EI24: variants seen among roughly 807,000 people sequenced by gnomAD.
EI24 encodes the protein etoposide-induced protein 2.4 homolog.
In EI24, 21 loss-of-function variants were observed where a neutral mutation model predicts 48.6. The observed-to-expected ratio is 0.43, with a 90% CI of 0.31 to 0.62. The LOEUF is 0.62. Among genes scored for constraint, EI24 ranks in the 20% least tolerant of loss-of-function variants. The probability of loss-of-function intolerance (pLI) is 0.10; values close to 1 mark genes in which losing one functional copy is unlikely to be tolerated. For missense variants in EI24, 280 were observed against 410.5 expected, an observed-to-expected ratio of 0.68 and a Z score of 2.75; for synonymous variants, 114 against 145.5, an observed-to-expected ratio of 0.78 and a Z score of 1.56.
At chr11:125,574,016 G>A (rs1938635944) in intron 2 of EI24, among the ~76,000 whole-genome samples, 1 of 151,906 alleles carries the variant, frequency 6.6e-6, no homozygotes. Flanking sequence ...TTACCTTGTT[G>A]TCTTGCCATT....
intron 2 of EI24, 23 bp downstream of exon 2, chr11:125,572,592 A>AAT (rs768575121): frequency 8.0e-7 from 1 of 1,246,066 alleles, no homozygotes; most frequent in Non-Finnish European, 1.2e-6. Flanking sequence ...TGTTTATAGG[A>AAT]ATTCATCTCT....
chr11:125,576,027 T>C (rs192496280), intron 3 of EI24: 233 of 520,094 alleles, frequency 4.5e-4, no homozygotes, highest in African/African-American at 3.8e-3. Flanking sequence ...CTGACCTCAG[T>C]TGATCGCCTA....
chr11:125,578,690 A>G (rs1938857609), intron 6 of EI24, among the ~76,000 whole-genome samples: 1 of 151,584 alleles, frequency 6.6e-6, no homozygotes, highest in East Asian at 1.9e-4. Flanking sequence ...GCTGGTCTCA[A>G]ACTCCTGACC....
chr11:125,580,244 T>G, intron 8 of EI24, 40 bp downstream of exon 8: 1 of 1,434,282 alleles, frequency 7.0e-7, no homozygotes, highest in Non-Finnish European at 9.8e-7. Flanking sequence ...GGAGGCCCAG[T>G]TTGGAAATGC....
At chr11:125,579,974 C>T in intron 7 of EI24, 119 bp from the exon 8 acceptor site, 1 of 821,502 alleles carries the variant, frequency 1.2e-6, no homozygotes. Flanking sequence ...TGCACTCGGC[C>T]TTTTAGAAAC....
chr11:125,582,198 C>CA (rs1367192910), intron 9 of EI24, 148 bp from the exon 10 acceptor site: 30,636 of 615,656 alleles, frequency 0.05, 45 homozygotes, highest in Non-Finnish European at 0.055. Context: ...GACTCCATCT[C>CA]AAAAAAAAAA....
chr11:125,578,110 G>A (rs376911502), intron 5 of EI24, 23 bp from the exon 6 acceptor site: 166 of 1,612,062 alleles, frequency 1.0e-4, no homozygotes, highest in Non-Finnish European at 1.4e-4. Flanking sequence ...TCCATTTCTA[G>A]TAACTCGTTT....
intron 1 of EI24, among the ~76,000 whole-genome samples, chr11:125,571,598 C>T (rs1173286865): frequency 2.6e-5 from 4 of 152,072 alleles, no homozygotes; most frequent in South Asian, 2.1e-4. Flanking sequence ...AAAGACCAGC[C>T]GGGCGTGGTG....
rs1374003138 is a variant in EI24 at position 125,584,420 on chromosome 11, A to G, written c.*737A>G. The G allele has an allele frequency of 1.3e-5, 2 of 152,636 alleles. No individual in the cohort carries two copies. The highest frequency in any genetic ancestry group is 2.4e-5 in the African/African-American group (1 of 41,456). 9.5% of individuals were successfully genotyped at this position (152,636 alleles called of 1,614,324 possible). ...GAGGTACCAATTCTGGACAAGTGCC[A>G]CTACAACAACACTAAACCTGAACTT... On this transcript the variant is annotated 3_prime_UTR_variant, in exon 11 of 11. Coordinates refer to ENST00000278903, the MANE Select transcript of EI24 (RefSeq NM_004879.5).
chr11:125,569,537 T>C lies in EI24; in HGVS notation c.-107T>C. 2.6e-6 allele frequency: 1 copy of C among 377,946 alleles called. No individual in the cohort carries two copies. The highest frequency in any genetic ancestry group is 1.4e-4 in the South Asian group (1 of 7,336). The allele number at this position is 377,946 out of a possible 1,614,324, so 23.4% of individuals were successfully genotyped here. A position where few individuals can be genotyped will look rare whatever the true frequency, so the allele number is the denominator to read the frequency against. On this transcript the variant is annotated 5_prime_UTR_variant, in exon 1 of 11. Transcript: ENST00000278903. Reference sequence around the variant, plus strand: ...CCGGCGGAGCTGGCCTGCGGTGGGCTAGGGGCAGGGCCGGAGCCGCGGCGG... The same window carrying C: ...CCGGCGGAGCTGGCCTGCGGTGGGCCAGGGGCAGGGCCGGAGCCGCGGCGG...
chr11:125,571,273 TTGAG>T (rs1272970346), intron 1 of EI24, among the ~76,000 whole-genome samples: 3 of 152,220 alleles, frequency 2.0e-5, no homozygotes, highest in Non-Finnish European at 4.4e-5. Flanking sequence ...TGCAACTTGA[TTGAG>T]TGAGTGTTGA....
At chr11:125,581,537 CTTTTTTTTTTT>C (rs33956827) in intron 9 of EI24, among the ~76,000 whole-genome samples, 11 of 50,746 alleles carry the variant, frequency 2.2e-4, no homozygotes, top group South Asian at 1.9e-3. Flanking sequence ...AGCAATTATT[CTTTTTTTTTTT>C]TTTTTTTTTT....
rs556495667 is a variant in EI24 at position 125,583,948 on chromosome 11, G to T, written c.*265G>T. 3 of 488,346 alleles carry T rather than the reference G, an allele frequency of 6.1e-6. No homozygotes were observed. The highest frequency in any genetic ancestry group is 3.9e-5 in the African/African-American group (2 of 51,180). 30.3% of individuals were successfully genotyped at this position (488,346 alleles called of 1,614,324 possible). A position where few individuals can be genotyped will look rare whatever the true frequency, so the allele number is the denominator to read the frequency against. ...TGCAGCTATTTTCTAGCATTTGCCA[G>T]TCCCTGTGCCTGGACTGATTGGAAC... On this transcript the variant is annotated 3_prime_UTR_variant, in exon 11 of 11. Coordinates refer to ENST00000278903, the MANE Select transcript of EI24 (RefSeq NM_004879.5).
Position 125,575,330 on chromosome 11 carries a change from G to C in EI24, c.110G>C (p.Arg37Thr). ...SKLDARIQQK[R>T]EEQRRRRASS... ...CTAGATGCTCGAATCCAGCAAAAGA[G>C]AGAGGAGCAGCGTCGAAGAAGGGCA... The change falls in exon 3 of 11, where the codon AGA becomes ACA. Residue 37 changes from arginine (R) to threonine (T), a missense_variant. By Grantham distance (71) the Arg-to-Thr change is moderately conservative (BLOSUM62 -1). This residue lies in a region of EI24 where 204 missense variants were observed against 294.1 expected (regional missense o/e 0.69). Transcript: ENST00000278903. The C allele has an allele frequency of 6.4e-7, 1 of 1,573,438 alleles. No individual in the cohort carries two copies. Among genetic ancestry groups the C allele is most frequent in the East Asian group, 2.3e-5 (1 of 42,688 alleles).
Position 125,584,397 on chromosome 11 carries a change from G to A in EI24, c.*714G>A, listed in dbSNP as rs1381362708. On this transcript the variant is annotated 3_prime_UTR_variant, in exon 11 of 11. Coordinates refer to ENST00000278903, the MANE Select transcript of EI24 (RefSeq NM_004879.5). The stretch of plus-strand genomic sequence containing the variant: ...ATTTAAAGTCCCCCAACTATGGGGA[G>A]GTACCAATTCTGGACAAGTGCCACT... The A allele has an allele frequency of 6.6e-6, 1 of 152,624 alleles. No homozygotes were observed. Among genetic ancestry groups the A allele is most frequent in the Non-Finnish European group, 1.5e-5 (1 of 68,044 alleles). 9.5% of individuals were successfully genotyped at this position (152,624 alleles called of 1,614,324 possible).
intron 8 of EI24, 125 bp downstream of exon 8, chr11:125,580,329 T>C (rs186950470): frequency 2.7e-6 from 2 of 731,634 alleles, no homozygotes; most frequent in East Asian, 2.5e-5. Flanking sequence ...AGCAGCCTCA[T>C]TGGCAAGAGG....
At chr11:125,581,655 T>C (rs953374861) in intron 9 of EI24, among the ~76,000 whole-genome samples, 1 of 149,010 alleles carries the variant, frequency 6.7e-6, no homozygotes, top group East Asian at 2.1e-4. Context: ...TAACTGATTC[T>C]CCTGCCTCAG....
chr11:125,577,872 A>T (rs1022334484), intron 5 of EI24: 23 of 580,848 alleles, frequency 4.0e-5, no homozygotes, highest in Middle Eastern at 4.6e-4. Flanking sequence ...CGTACTGGTA[A>T]TCACTGTGGC....
At chr11:125,580,015 A>G in intron 7 of EI24, 78 bp from the exon 8 acceptor site, 3 of 1,143,344 alleles carry the variant, frequency 2.6e-6, no homozygotes, top group Non-Finnish European at 4.0e-6. Context: ...TATCTCAGAC[A>G]GTGATTGGAG....
Sources: gnomAD v4.1 joint callset for allele counts (sites outside exome capture counted in the v4.1 genomes callset) on GRCh38, gnomAD v4.1.1 for gene constraint, gnomAD v4.1.1 regional missense constraint, MANE v1.5 for transcripts, NCBI Gene and HGNC (gene_info 2026-07-23, HGNC 2026-07-21) for gene names.